Variants in ADD1 observed in about 807,000 individuals in gnomAD.
ADD1 encodes the protein adducin 1, also known as alpha-adducin.
Under a neutral mutation model 80.5 loss-of-function variants are expected in ADD1, and 24 were observed. That is an observed-to-expected ratio of 0.30 (90% CI 0.22 to 0.42). ADD1 has a LOEUF of 0.42. Ranked by LOEUF, ADD1 falls within the 10% of genes least tolerant of loss-of-function variation. The pLI is 1.00. For missense variants in ADD1, 948 were observed against 1,019.0 expected (o/e 0.93, Z 0.95); for synonymous variants, 373 against 393.8 (o/e 0.95, Z 0.63).
chr4:2,915,716 G>C (rs1322526807), intron 14 of ADD1, among the ~76,000 whole-genome samples: 2 of 152,072 alleles, frequency 1.3e-5, no homozygotes, highest in Non-Finnish European at 2.9e-5. Context: ...CCAGCTACTC[G>C]GGAAGGCTGA....
chr4:2,871,118 G>A (rs1005832687), intron 1 of ADD1, among the ~76,000 whole-genome samples: 8 of 151,956 alleles, frequency 5.3e-5, no homozygotes, highest in East Asian at 1.9e-4. Context: ...ACAGGTGCGC[G>A]CCACCACACC....
At chr4:2,852,198 C>CT (rs1491325452) in intron 1 of ADD1, among the ~76,000 whole-genome samples, 1 of 76,586 alleles carries the variant, frequency 1.3e-5, no homozygotes, top group Non-Finnish European at 2.6e-5. Context: ...TTCTTTCTTT[C>CT]CTTTCTTTCC....
At position 2,898,286 on chromosome 4, in the gene ADD1, G is replaced by A. The variant is rs776334018; in HGVS notation, c.844G>A (p.Glu282Lys). 6 of 1,614,050 alleles carry A rather than the reference G, an allele frequency of 3.7e-6. No homozygotes were observed. The highest frequency in any genetic ancestry group is 5.1e-6 in the Non-Finnish European group (6 of 1,180,042). Residue 282 changes from glutamate (E) to lysine (K), a missense_variant, in exon 7 of 16, where the codon GAA (glutamate) becomes AAA (lysine). Transcript: ENST00000683351. Reference protein sequence around the residue: ...DYHGILVDEEEKVLIQKNLGP... With the variant: ...DYHGILVDEEKKVLIQKNLGP... ...CCATGGCATTCTGGTTGATGAAGAGGAAAAAGTTTTGATTCAGAAAAATCT... is the reference window on the plus strand; with the variant it reads ...CCATGGCATTCTGGTTGATGAAGAGAAAAAAGTTTTGATTCAGAAAAATCT...
At chr4:2,904,122 T>G (rs1218694368) in intron 9 of ADD1, among the ~76,000 whole-genome samples, 1 of 152,208 alleles carries the variant, frequency 6.6e-6, no homozygotes, top group Non-Finnish European at 1.5e-5. Context: ...AAACCCTGTT[T>G]GGGTGTTCAA....
chr4:2,927,225 A>C (rs1364684840), intron 15 of ADD1, among the ~76,000 whole-genome samples: 10 of 152,158 alleles, frequency 6.6e-5, no homozygotes, highest in African/African-American at 2.4e-4. Flanking sequence ...AGCGGGCCCC[A>C]TCTCCTCAGG....
chr4:2,918,849 GTTT>G (rs59901638), intron 14 of ADD1, among the ~76,000 whole-genome samples: 1 of 143,872 alleles, frequency 7.0e-6, no homozygotes, highest in Non-Finnish European at 1.5e-5. Context: ...TTGTTATTTG[GTTT>G]TTTTTTTTTT....
At position 2,861,261 on chromosome 4, in the gene ADD1, A is replaced by G. The variant is rs188577197; in HGVS notation, c.-20-14635A>G. On this transcript the variant is annotated intron_variant, in intron 1 of 15. Transcript: ENST00000683351. The stretch of plus-strand genomic sequence containing the variant: ...GGAAGGCCCCTGCATATTGGGGTCA[A>G]GAGTGCAGATTTTATTCTAGGGACT... 1.1e-3 allele frequency among the ~76,000 whole-genome samples: 167 copies of G among 152,286 alleles called. 1 individual carries two copies. The highest frequency in any genetic ancestry group is 3.6e-3 in the Admixed American group (55 of 15,296).
At chr4:2,866,988 C>T (rs1217924291) in intron 1 of ADD1, among the ~76,000 whole-genome samples, 2 of 152,102 alleles carry the variant, frequency 1.3e-5, no homozygotes, top group Non-Finnish European at 2.9e-5. Context: ...GGGAGGATCA[C>T]TTGAGCCCGG....
At chr4:2,881,678 G>A (rs1272577400) in intron 2 of ADD1, 6 of 407,842 alleles carry the variant, frequency 1.5e-5, no homozygotes, top group Non-Finnish European at 2.6e-5. Flanking sequence ...ATTCCTAAGA[G>A]TAGAATTCCT....
chr4:2,848,967 C>T (rs1726666415), intron 1 of ADD1, among the ~76,000 whole-genome samples: 1 of 152,130 alleles, frequency 6.6e-6, no homozygotes, highest in Non-Finnish European at 1.5e-5. Context: ...CTTACATTTC[C>T]ATCTTTGGGC....
At chr4:2,881,599 A>T (rs955985898) in intron 2 of ADD1, 6 of 229,536 alleles carry the variant, frequency 2.6e-5, no homozygotes, top group African/African-American at 1.4e-4. Context: ...CCCTTTTATC[A>T]ATAATACTGG....
intron 8 of ADD1, 128 bp downstream of exon 8, chr4:2,898,659 C>CA: frequency 1.2e-6 from 1 of 825,138 alleles, no homozygotes; most frequent in Admixed American, 2.1e-5. Flanking sequence ...AAGATAAGCT[C>CA]ATGGATTTGG....
intron 13 of ADD1, among the ~76,000 whole-genome samples, chr4:2,914,058 C>CAAAAAAAAAAAAAAAAAAAAAAAAA (rs775339952): frequency 8.3e-6 from 1 of 120,574 alleles, no homozygotes; most frequent in South Asian, 2.7e-4. Flanking sequence ...GACTCCGTCT[C>CAAAAAAAAAAAAAAAAAAAAAAAAA]AAAAAAAAAA....
chr4:2,902,790 G>T (rs1383722103), intron 9 of ADD1: 1 of 152,218 alleles, frequency 6.6e-6, no homozygotes, highest in African/African-American at 2.4e-5. Context: ...ACTTTGGGAG[G>T]CTGAGGCAGG....
At chr4:2,869,399 G>GTT (rs1730066002) in intron 1 of ADD1, among the ~76,000 whole-genome samples, 1 of 152,284 alleles carries the variant, frequency 6.6e-6, no homozygotes, top group South Asian at 2.1e-4. Context: ...CCCTGTGCGT[G>GTT]TCTCTTTGTC....
chr4:2,877,202 T>A (rs1731495987), intron 2 of ADD1, among the ~76,000 whole-genome samples: 1 of 152,178 alleles, frequency 6.6e-6, no homozygotes, highest in African/African-American at 2.4e-5. Context: ...TGCCTTTGTG[T>A]GTGCATCATC....
At chr4:2,921,304 A>G (rs1739997828) in intron 14 of ADD1, among the ~76,000 whole-genome samples, 1 of 151,786 alleles carries the variant, frequency 6.6e-6, no homozygotes, top group African/African-American at 2.4e-5. Context: ...ATTTTTTTGT[A>G]TTTTTAGTAG....
intron 4 of ADD1, among the ~76,000 whole-genome samples, chr4:2,886,295 G>GCTAA (rs1733354746): frequency 6.6e-6 from 1 of 152,196 alleles, no homozygotes; most frequent in African/African-American, 2.4e-5. Context: ...TCAGAGGAAT[G>GCTAA]CTAAGCCTCT....
At chr4:2,920,494 T>G (rs1057045757) in intron 14 of ADD1, among the ~76,000 whole-genome samples, 12 of 152,206 alleles carry the variant, frequency 7.9e-5, no homozygotes, top group African/African-American at 2.9e-4. Flanking sequence ...AAGAACTTGC[T>G]TTATGAATCT....
Sources: allele counts gnomAD v4.1 joint callset (sites outside exome capture counted in the v4.1 genomes callset), GRCh38; gene constraint gnomAD v4.1.1; transcripts MANE v1.5; gene names NCBI Gene and HGNC (gene_info 2026-07-23, HGNC 2026-07-21).